Variants in CDIN1 observed in about 807,000 individuals in gnomAD.
The protein encoded by CDIN1 is CDAN1-interacting nuclease 1.
A neutral mutation model predicts 45.3 loss-of-function variants in CDIN1; 33 were observed. The ratio of observed to expected loss-of-function variants is 0.73; its 90% confidence interval spans 0.55 to 0.97. The LOEUF (loss-of-function observed/expected upper bound fraction) is 0.97, where lower values mean the gene tolerates loss of function less well. Among genes scored for constraint, CDIN1 ranks in the 50% least tolerant of loss-of-function variants. The pLI, the probability that CDIN1 is intolerant of heterozygous loss-of-function variation, is 0.00. For missense variants in CDIN1, 303 were observed against 339.4 expected, an observed-to-expected ratio of 0.89 and a Z score of 0.84; for synonymous variants, 118 against 124.4, an observed-to-expected ratio of 0.95 and a Z score of 0.34.
At chr15:36,740,564 T>G (rs2044198627) in intron 10 of CDIN1, among the ~76,000 whole-genome samples, 1 of 152,116 alleles carries the variant, frequency 6.6e-6, no homozygotes, top group Admixed American at 6.5e-5. Flanking sequence ...TATGGTCAAA[T>G]CTCGTAATTC....
intron 4 of CDIN1, among the ~76,000 whole-genome samples, chr15:36,656,484 G>A (rs1286467810): frequency 6.6e-6 from 1 of 152,094 alleles, no homozygotes; most frequent in African/African-American, 2.4e-5. Flanking sequence ...AATAAGATCA[G>A]TCATTCTGTT....
chr15:36,755,864 G>A (rs192546236), intron 10 of CDIN1: 225 of 247,656 alleles, frequency 9.1e-4, no homozygotes, highest in African/African-American at 5.1e-3. Context: ...TCACAAGAGC[G>A]AACTTAAGGG....
chr15:36,586,378 G>A (rs1414219724), intron 1 of CDIN1, among the ~76,000 whole-genome samples: 1 of 152,050 alleles, frequency 6.6e-6, no homozygotes, highest in African/African-American at 2.4e-5. Context: ...TTGCTTAATA[G>A]TGATTCTCTA....
chr15:36,676,287 G>A (rs945093915), intron 5 of CDIN1, among the ~76,000 whole-genome samples: 2 of 152,030 alleles, frequency 1.3e-5, no homozygotes, highest in Non-Finnish European at 2.9e-5. Context: ...GGAGCCTGCC[G>A]AAAAAGAACA....
rs577339415 is a variant in CDIN1 at position 36,800,339 on chromosome 15, T to C, written c.717-7985T>C. Among the ~76,000 whole-genome samples, 3 of 152,302 alleles carry C rather than the reference T, an allele frequency of 2.0e-5. No individual in the cohort carries two copies. The East Asian group carries it at 5.8e-4, about 29-fold the overall frequency. ...AAAAGTAGATGAAACAACCAAGTTA[T>C]CATATTTTAACTTCATTTCTACGAA... is the stretch of plus-strand genomic sequence containing the variant. On this transcript the variant is annotated intron_variant, in intron 10 of 10. Coordinates refer to ENST00000566621, the MANE Select transcript of CDIN1 (RefSeq NM_001321759.2).
At chr15:36,727,062 GTGA>G (rs1013581889) in intron 10 of CDIN1, among the ~76,000 whole-genome samples, 2 of 151,738 alleles carry the variant, frequency 1.3e-5, no homozygotes, top group African/African-American at 4.8e-5. Context: ...TTTCATTGTG[GTGA>G]GAAAAAAATA....
intron 8 of CDIN1, among the ~76,000 whole-genome samples, chr15:36,703,209 C>T (rs916496381): frequency 1.5e-5 from 1 of 65,880 alleles, no homozygotes. Context: ...TAGAGTGAGA[C>T]CCTGTCTCAA....
At chr15:36,696,883 C>G (rs1009076117) in intron 7 of CDIN1, among the ~76,000 whole-genome samples, 1 of 145,472 alleles carries the variant, frequency 6.9e-6, no homozygotes, top group African/African-American at 2.6e-5. Context: ...AGACTGAGGT[C>G]GGAGAATCAC....
At chr15:36,786,722 T>G (rs1476289908) in intron 10 of CDIN1, among the ~76,000 whole-genome samples, 2 of 152,212 alleles carry the variant, frequency 1.3e-5, no homozygotes, top group African/African-American at 4.8e-5. Context: ...TCATCTGCAT[T>G]CAGGGTCCCT....
chr15:36,665,237 A>G (rs1595442751), intron 5 of CDIN1, among the ~76,000 whole-genome samples: 1 of 152,198 alleles, frequency 6.6e-6, no homozygotes, highest in African/African-American at 2.4e-5. Context: ...GCATTGTGTG[A>G]TAAATATTAA....
chr15:36,784,207 G>A (rs968269339), intron 10 of CDIN1, among the ~76,000 whole-genome samples: 1 of 151,988 alleles, frequency 6.6e-6, no homozygotes, highest in Non-Finnish European at 1.5e-5. Flanking sequence ...AACACTTACC[G>A]GCTTACAGGA....
intron 3 of CDIN1, 122 bp downstream of exon 3, chr15:36,645,409 T>A: frequency 8.1e-6 from 7 of 859,040 alleles, no homozygotes; most frequent in Non-Finnish European, 1.1e-5. Flanking sequence ...TTAAGTATTT[T>A]ATTCAAAACT....
At chr15:36,668,634 C>T (rs1004035215) in intron 5 of CDIN1, among the ~76,000 whole-genome samples, 9 of 152,048 alleles carry the variant, frequency 5.9e-5, no homozygotes, top group Non-Finnish European at 1.3e-4. Context: ...GAATGTAAAT[C>T]GACTGCATTG....
chr15:36,590,890 C>G (rs1233277662), intron 1 of CDIN1, among the ~76,000 whole-genome samples: 1 of 152,188 alleles, frequency 6.6e-6, no homozygotes, highest in African/African-American at 2.4e-5. Context: ...AGCTCACTTA[C>G]CAGCAAACTG....
At chr15:36,622,614 T>C (rs1444985536) in intron 1 of CDIN1, among the ~76,000 whole-genome samples, 2 of 152,210 alleles carry the variant, frequency 1.3e-5, no homozygotes, top group Non-Finnish European at 2.9e-5. Context: ...CCTGTGGTTA[T>C]AGACTTGAGG....
intron 10 of CDIN1, among the ~76,000 whole-genome samples, chr15:36,731,424 C>A (rs1323054631): frequency 1.3e-5 from 2 of 152,072 alleles, no homozygotes; most frequent in Non-Finnish European, 2.9e-5. Context: ...TAAAGTCATT[C>A]ATATTTAAGA....
intron 7 of CDIN1, among the ~76,000 whole-genome samples, chr15:36,695,438 G>T (rs1848707811): frequency 6.6e-6 from 1 of 152,262 alleles, no homozygotes; most frequent in East Asian, 1.9e-4. Context: ...AATCTCATCT[G>T]TTTGGAAAAT....
chr15:36,587,235 A>G (rs2037347103), intron 1 of CDIN1, among the ~76,000 whole-genome samples: 1 of 151,956 alleles, frequency 6.6e-6, no homozygotes, highest in Non-Finnish European at 1.5e-5. Context: ...CATATCTCCT[A>G]CTGTCTTCCT....
chr15:36,760,282 CT>C (rs2053723487), intron 10 of CDIN1, among the ~76,000 whole-genome samples: 1 of 152,168 alleles, frequency 6.6e-6, no homozygotes, highest in Non-Finnish European at 1.5e-5. Flanking sequence ...CATTTTCATT[CT>C]CTTCTGTCTT....
Sources: gnomAD v4.1 joint callset for allele counts (sites outside exome capture counted in the v4.1 genomes callset) on GRCh38, gnomAD v4.1.1 for gene constraint, MANE v1.5 for transcripts, NCBI Gene and HGNC (gene_info 2026-07-23, HGNC 2026-07-21) for gene names.